Variants in ADGRL3 observed in about 807,000 individuals in gnomAD.
The protein encoded by ADGRL3 is calcium-independent alpha-latrotoxin receptor 3.
A neutral mutation model predicts 153.5 loss-of-function variants in ADGRL3; 62 were observed. That is an observed-to-expected ratio of 0.40 (90% confidence interval 0.33 to 0.50). The LOEUF (loss-of-function observed/expected upper bound fraction) is 0.50, where lower values mean the gene tolerates loss of function less well. Ranked by LOEUF, ADGRL3 falls within the 20% of genes least tolerant of loss-of-function variation. ADGRL3 has a pLI of 0.47. For missense variants in ADGRL3, 1,641 were observed against 1,859.4 expected (o/e 0.88, Z 2.16); for synonymous variants, 710 against 672.5 (o/e 1.06, Z -0.86).
chr4:61,333,206 T>C (rs1203580667), intron 1 of ADGRL3, among the ~76,000 whole-genome samples: 4 of 152,184 alleles, frequency 2.6e-5, no homozygotes, highest in Admixed American at 2.0e-4. Context: ...AACTGTGGTG[T>C]ACATAGTACT....
intron 5 of ADGRL3, among the ~76,000 whole-genome samples, chr4:61,674,180 A>C (rs1337215009): frequency 6.6e-6 from 1 of 150,738 alleles, no homozygotes; most frequent in African/African-American, 2.4e-5. Flanking sequence ...ATAGATAGAT[A>C]GATAGATAGA....
At chr4:61,400,618 G>A (rs1045891065) in intron 2 of ADGRL3, among the ~76,000 whole-genome samples, 1 of 151,794 alleles carries the variant, frequency 6.6e-6, no homozygotes, top group Non-Finnish European at 1.5e-5. Flanking sequence ...TTGGATATTG[G>A]TGGTAGTGGA....
intron 2 of ADGRL3, among the ~76,000 whole-genome samples, chr4:61,386,419 G>A (rs955531463): frequency 6.6e-6 from 1 of 152,042 alleles, no homozygotes; most frequent in African/African-American, 2.4e-5. Flanking sequence ...TTGTTTTGAG[G>A]TATAAGTTAA....
In ADGRL3 at chr4:61,975,938, G is replaced by A. The variant is rs1008499442; in HGVS notation, c.2806-3625G>A. Among the ~76,000 whole-genome samples the A allele has an allele frequency of 4.6e-4, 70 of 152,074 alleles. 2 individuals carry two copies. The highest frequency in any genetic ancestry group is 1.5e-5 in the Non-Finnish European group (1 of 68,008). ...AGGATAAGATCAGGAGCTGTTTTGG[G>A]CATATAATATTTGATATCTTATCAA... On this transcript the variant is annotated intron_variant, in intron 17 of 26. Coordinates refer to ENST00000683033, the MANE Select transcript of ADGRL3 (RefSeq NM_001387552.1).
chr4:61,569,593 C>T (rs936873684), intron 4 of ADGRL3, among the ~76,000 whole-genome samples: 1 of 151,818 alleles, frequency 6.6e-6, no homozygotes, highest in Non-Finnish European at 1.5e-5. Context: ...AAAAATACTC[C>T]CAAGCCCTAG....
chr4:61,885,242 C>A (rs1465804981), intron 9 of ADGRL3, among the ~76,000 whole-genome samples: 1 of 152,036 alleles, frequency 6.6e-6, no homozygotes, highest in Non-Finnish European at 1.5e-5. Context: ...ACAGGAGAAT[C>A]GCTTGAACCC....
chr4:61,702,917 TATA>T (rs1255379489), intron 6 of ADGRL3, among the ~76,000 whole-genome samples: 1 of 152,196 alleles, frequency 6.6e-6, no homozygotes, highest in Non-Finnish European at 1.5e-5. Flanking sequence ...ATTCATTTGA[TATA>T]ATTTGTGACT....
At chr4:61,726,570 CAACTGGTTGTGATTAGGT>C (rs2096350876) in intron 6 of ADGRL3, among the ~76,000 whole-genome samples, 1 of 152,072 alleles carries the variant, frequency 6.6e-6, no homozygotes, top group Admixed American at 6.6e-5. Context: ...TTTGATTATG[CAACTGGTTGTGATTAGGT>C]AACTGGTTGT....
intron 15 of ADGRL3, 49 bp from the exon 16 acceptor site, chr4:61,946,865 C>T (rs756118990): frequency 2.2e-5 from 31 of 1,390,734 alleles, no homozygotes; most frequent in Non-Finnish European, 3.2e-5. Flanking sequence ...TTAGTACTAA[C>T]TAATTTAAGT....
At chr4:61,828,781 G>T (rs558643409) in intron 9 of ADGRL3, among the ~76,000 whole-genome samples, 4 of 152,252 alleles carry the variant, frequency 2.6e-5, no homozygotes, top group Admixed American at 2.6e-4. Context: ...GCCCATTTAC[G>T]ATGGCCTACA....
chr4:61,325,679 A>G (rs1004103231), intron 1 of ADGRL3, among the ~76,000 whole-genome samples: 1 of 152,150 alleles, frequency 6.6e-6, no homozygotes, highest in Admixed American at 6.5e-5. Context: ...TTCTAACATG[A>G]TAAGTCTTTG....
chr4:61,298,665 AAAT>A lies in ADGRL3; in HGVS notation c.-239-84450_-239-84448del, dbSNP rs1418712457. On this transcript the variant is annotated intron_variant, in intron 1 of 26. Transcript: ENST00000683033. ...ATCAGGACAACCATTTCTACATTAAAAATAATAATAAAATAAAATCCTTAAACA... is the reference window on the plus strand; with the variant it reads ...ATCAGGACAACCATTTCTACATTAAAAATAATAAAATAAAATCCTTAAACA... Among the ~76,000 whole-genome samples, 7 of 152,292 alleles carry A rather than the reference AAAT, an allele frequency of 4.6e-5. No individual in the cohort carries two copies. In the East Asian group the frequency reaches 5.8e-4, roughly 13 times the overall value.
At chr4:61,215,832 A>G (rs193186447) in intron 1 of ADGRL3, among the ~76,000 whole-genome samples, 1 of 152,166 alleles carries the variant, frequency 6.6e-6, no homozygotes, top group African/African-American at 2.4e-5. Context: ...GATTACAGGC[A>G]TGAGCCACCG....
chr4:61,740,701 A>G (rs1014645677), intron 8 of ADGRL3, among the ~76,000 whole-genome samples: 2 of 152,218 alleles, frequency 1.3e-5, no homozygotes, highest in African/African-American at 4.8e-5. Context: ...TAAAATTAGT[A>G]TGTCTAACAG....
intron 4 of ADGRL3, among the ~76,000 whole-genome samples, chr4:61,556,111 GC>G (rs1360697451): frequency 2.0e-5 from 3 of 152,126 alleles, no homozygotes; most frequent in Non-Finnish European, 4.4e-5. Flanking sequence ...TGGTTCACAC[GC>G]CTCTGACAGG....
chr4:61,744,724 T>C (rs2096631352), intron 8 of ADGRL3, among the ~76,000 whole-genome samples: 1 of 151,958 alleles, frequency 6.6e-6, no homozygotes. Flanking sequence ...TACATCACCA[T>C]CATCAAAGAC....
At chr4:61,755,969 A>G (rs1281276482) in intron 8 of ADGRL3, among the ~76,000 whole-genome samples, 1 of 152,126 alleles carries the variant, frequency 6.6e-6, no homozygotes, top group Non-Finnish European at 1.5e-5. Flanking sequence ...GTTCTGTTCC[A>G]TTGATCTATA....
At chr4:61,922,230 T>A (rs912959711) in intron 13 of ADGRL3, among the ~76,000 whole-genome samples, 5 of 152,330 alleles carry the variant, frequency 3.3e-5, no homozygotes, top group Admixed American at 3.3e-4. Flanking sequence ...TTTTACAGTG[T>A]TGTTCTATAA....
At chr4:61,379,495 G>C (rs2096642707) in intron 1 of ADGRL3, among the ~76,000 whole-genome samples, 1 of 151,970 alleles carries the variant, frequency 6.6e-6, no homozygotes. Flanking sequence ...CTAACTCGTT[G>C]TATTGTTTTT....
Sources: gnomAD v4.1 joint callset for allele counts (sites outside exome capture counted in the v4.1 genomes callset) on GRCh38, gnomAD v4.1.1 for gene constraint, MANE v1.5 for transcripts, NCBI Gene and HGNC (gene_info 2026-07-23, HGNC 2026-07-21) for gene names.